The following RORA variants were observed in gnomAD, a reference collection of about 807,000 sequenced individuals.
The protein encoded by RORA is RAR related orphan receptor A, also known as nuclear receptor ROR-alpha.
In RORA, 7 loss-of-function variants were observed where a neutral mutation model predicts 69.5. That is an observed-to-expected ratio of 0.10 (90% CI 0.06 to 0.19). The LOEUF (loss-of-function observed/expected upper bound fraction) is 0.19. RORA is among the 10% of genes least tolerant of loss of function. The probability of loss-of-function intolerance (pLI) is 1.00; values close to 1 mark genes in which losing one functional copy is unlikely to be tolerated. For synonymous variants in RORA, 261 were observed against 240.8 expected (o/e 1.08, Z -0.78); for missense variants, 457 against 663.0 (o/e 0.69, Z 3.41).
At chr15:60,707,887 G>A (rs925769652) in intron 1 of RORA, among the ~76,000 whole-genome samples, 1 of 152,176 alleles carries the variant, frequency 6.6e-6, no homozygotes, top group African/African-American at 2.4e-5. Context: ...TAATACTGGG[G>A]CACATACTAA....
chr15:61,032,258 T>TA (rs1380830680), intron 1 of RORA, among the ~76,000 whole-genome samples: 1 of 152,160 alleles, frequency 6.6e-6, no homozygotes, highest in Non-Finnish European at 1.5e-5. Context: ...TAGAAAGCTA[T>TA]AAAATGTGAC....
intron 1 of RORA, among the ~76,000 whole-genome samples, chr15:61,123,293 G>C (rs558223232): frequency 6.6e-6 from 1 of 152,080 alleles, no homozygotes; most frequent in Non-Finnish European, 1.5e-5. Flanking sequence ...ATGAGGCGAG[G>C]GGGGAGCAGG....
At chr15:61,164,124 G>C (rs551569056) in intron 1 of RORA, among the ~76,000 whole-genome samples, 1 of 151,792 alleles carries the variant, frequency 6.6e-6, no homozygotes, top group East Asian at 1.9e-4. Context: ...GTGAGCCCAG[G>C]TGTCTCAGTG....
intron 1 of RORA, among the ~76,000 whole-genome samples, chr15:60,680,961 T>A (rs2070633781): frequency 6.6e-6 from 1 of 152,316 alleles, no homozygotes. Flanking sequence ...CGACTGTGCA[T>A]GATATTTAAT....
Position 61,127,333 on chromosome 15 carries a change from G to A in RORA, c.166+101720C>T, listed in dbSNP as rs569543042. On this transcript the variant is annotated intron_variant, in intron 1 of 10. Coordinates refer to ENST00000335670, the MANE Select transcript of RORA (RefSeq NM_134261.3). ...AGGAATATTAAATCTTCCTCATGCAGACTATTAAACAAATTAAACACAGCA... is the reference window on the plus strand; with the variant it reads ...AGGAATATTAAATCTTCCTCATGCAAACTATTAAACAAATTAAACACAGCA... Among the ~76,000 whole-genome samples the A allele has an allele frequency of 4.6e-5, 7 of 152,232 alleles. No homozygotes were observed. In the South Asian group the frequency reaches 1.5e-3, roughly 32 times the overall value.
chr15:61,180,088 G>A (rs1455837332), intron 1 of RORA, among the ~76,000 whole-genome samples: 1 of 139,360 alleles, frequency 7.2e-6, no homozygotes, highest in East Asian at 2.2e-4. Context: ...AGGCTGCAGT[G>A]AGCCAAGATC....
At position 60,669,351 on chromosome 15, in the gene RORA, GT is replaced by G. The variant is rs1567148776; in HGVS notation, c.196+9305del. 7.7e-4 allele frequency among the ~76,000 whole-genome samples: 78 copies of G among 101,846 alleles called. No individual in the cohort carries two copies. The East Asian group carries it at 0.022, about 29-fold the overall frequency. 66.8% of individuals were successfully genotyped at this position (101,846 alleles called of 152,430 possible). A position where few individuals can be genotyped will look rare whatever the true frequency, so the allele number is the denominator to read the frequency against. On this transcript the variant is annotated intron_variant, in intron 2 of 10. Transcript: ENST00000335670. ...CCAATAAGCGTTTTTTTGTTTGTTT[GT>G]TTGTTTGTTTGTTTGTTTGTTTTTT...
chr15:61,041,319 T>A (rs898831102), intron 1 of RORA, among the ~76,000 whole-genome samples: 30 of 152,110 alleles, frequency 2.0e-4, no homozygotes, highest in African/African-American at 7.0e-4. Context: ...AAATCTTCCA[T>A]GAAACAAGCA....
intron 6 of RORA, among the ~76,000 whole-genome samples, chr15:60,503,873 G>A (rs184141564): frequency 6.6e-6 from 1 of 152,280 alleles, no homozygotes; most frequent in Non-Finnish European, 1.5e-5. Flanking sequence ...AACAATCTCA[G>A]CTCACTGCAA....
intron 1 of RORA, among the ~76,000 whole-genome samples, chr15:61,160,268 C>T (rs1273603768): frequency 1.3e-5 from 2 of 152,122 alleles, no homozygotes; most frequent in Non-Finnish European, 2.9e-5. Flanking sequence ...GCTCATAAAG[C>T]GGTTCCCTGT....
At chr15:60,519,855 CAATG>C (rs1595901560) in intron 3 of RORA, 1 of 151,062 alleles carries the variant, frequency 6.6e-6, no homozygotes, top group East Asian at 1.9e-4. Context: ...AACAAACAAA[CAATG>C]AAACTTACTG....
intron 1 of RORA, among the ~76,000 whole-genome samples, chr15:60,829,394 C>T (rs986546313): frequency 6.6e-6 from 1 of 152,138 alleles, no homozygotes; most frequent in Non-Finnish European, 1.5e-5. Flanking sequence ...TTTTCAGGAC[C>T]TTTGAGGTCA....
At position 60,511,709 on chromosome 15, in the gene RORA, T is replaced by A; in HGVS notation, c.425-88A>T. The stretch of plus-strand genomic sequence containing the variant: ...GAGCTTTGGGGTTTCCTTTGAAGTC[T>A]CACACAATCTCAATCCAAAACTGCA... On this transcript the variant is annotated intron_variant, in intron 4 of 10. Transcript: ENST00000335670. The surrounding 1 kb of genome is among the most constrained non-coding windows in gnomAD (Gnocchi z 6.4). 7.3e-7 allele frequency: 1 copy of A among 1,365,654 alleles called. No homozygotes were observed. The highest frequency in any genetic ancestry group is 9.8e-7 in the Non-Finnish European group (1 of 1,020,378). 84.6% of individuals were successfully genotyped at this position (1,365,654 alleles called of 1,614,324 possible). A position where few individuals can be genotyped will look rare whatever the true frequency, so the allele number is the denominator to read the frequency against.
chr15:60,710,675 G>A (rs1262371198), intron 1 of RORA, among the ~76,000 whole-genome samples: 1 of 152,096 alleles, frequency 6.6e-6, no homozygotes, highest in Non-Finnish European at 1.5e-5. Context: ...GCCTTCACCT[G>A]GCATGCATTT....
At chr15:60,553,609 GCAACTGAGAAA>G (rs1389771784) in intron 2 of RORA, among the ~76,000 whole-genome samples, 2 of 152,120 alleles carry the variant, frequency 1.3e-5, no homozygotes, top group Non-Finnish European at 2.9e-5. Flanking sequence ...TGAGCTGAAA[GCAACTGAGAAA>G]CAGCAGAAAA....
chr15:61,123,495 AAAAC>A (rs1411754847), intron 1 of RORA, among the ~76,000 whole-genome samples: 2 of 152,208 alleles, frequency 1.3e-5, no homozygotes, highest in African/African-American at 4.8e-5. Flanking sequence ...CACGTGTCCC[AAAAC>A]AAACAATCCT....
chr15:61,145,667 T>G (rs2079339236), intron 1 of RORA, among the ~76,000 whole-genome samples: 1 of 152,304 alleles, frequency 6.6e-6, no homozygotes, highest in East Asian at 1.9e-4. Context: ...TATCTCCTTT[T>G]GAATACACTT....
At chr15:60,655,813 G>C (rs937509430) in intron 2 of RORA, among the ~76,000 whole-genome samples, 3 of 152,118 alleles carry the variant, frequency 2.0e-5, no homozygotes, top group Non-Finnish European at 4.4e-5. Flanking sequence ...AGGGACTGCA[G>C]ACCATAGCAA....
chr15:61,185,024 A>AAAT (rs34851109), intron 1 of RORA, among the ~76,000 whole-genome samples: 58,622 of 120,616 alleles, frequency 0.49, 16,544 homozygotes, highest in Non-Finnish European at 0.58. Context: ...GAAGAAGAAG[A>AAAT]AGGACTGTTA....
Sources: gnomAD v4.1 joint callset for allele counts (sites outside exome capture counted in the v4.1 genomes callset) on GRCh38, gnomAD v4.1.1 for gene constraint, Gnocchi (gnomAD v3.1) non-coding constraint, MANE v1.5 for transcripts, NCBI Gene and HGNC (gene_info 2026-07-23, HGNC 2026-07-21) for gene names.